Variants in POU6F2 observed in about 807,000 individuals in gnomAD.
POU6F2 encodes the protein POU domain, class 6, transcription factor 2.
In POU6F2, 31 loss-of-function variants were observed where a neutral mutation model predicts 71.3. The observed-to-expected ratio is 0.43, with a 90% confidence interval of 0.33 to 0.59. The LOEUF (loss-of-function observed/expected upper bound fraction) is 0.59. Ranked by LOEUF, POU6F2 falls within the 20% of genes least tolerant of loss-of-function variation. The probability of loss-of-function intolerance (pLI) is 0.04; values close to 1 mark genes in which losing one functional copy is unlikely to be tolerated. For synonymous variants in POU6F2, 347 were observed against 355.7 expected, an observed-to-expected ratio of 0.98 and a Z score of 0.27; for missense variants, 783 against 856.8, an observed-to-expected ratio of 0.91 and a Z score of 1.07.
intron 2 of POU6F2, among the ~76,000 whole-genome samples, chr7:39,117,068 T>C (rs558390224): frequency 1.2e-4 from 19 of 152,318 alleles, no homozygotes; most frequent in Non-Finnish European, 2.1e-4. Flanking sequence ...ACCTATGCAG[T>C]TGCATTTCAA....
intron 7 of POU6F2, among the ~76,000 whole-genome samples, chr7:39,433,978 A>T (rs1204593883): frequency 6.6e-6 from 1 of 152,228 alleles, no homozygotes; most frequent in African/African-American, 2.4e-5. Flanking sequence ...GATTTTAGGG[A>T]GCTCATCACC....
chr7:39,053,960 A>G (rs1790452810), intron 1 of POU6F2, among the ~76,000 whole-genome samples: 1 of 151,894 alleles, frequency 6.6e-6, no homozygotes, highest in Non-Finnish European at 1.5e-5. Context: ...AAAATTAGCC[A>G]GGCGTGGTGG....
chr7:39,377,787 C>G (rs1786740500), intron 5 of POU6F2, among the ~76,000 whole-genome samples: 1 of 152,082 alleles, frequency 6.6e-6, no homozygotes, highest in African/African-American at 2.4e-5. Context: ...GGGGAACTTG[C>G]AGAAAGGTAA....
At chr7:39,389,784 G>A (rs1787026532) in intron 5 of POU6F2, among the ~76,000 whole-genome samples, 1 of 152,098 alleles carries the variant, frequency 6.6e-6, no homozygotes, top group South Asian at 2.1e-4. Flanking sequence ...CAAATGAATA[G>A]AAAATAATGA....
chr7:39,045,387 C>T (rs1265841515), intron 1 of POU6F2, among the ~76,000 whole-genome samples: 3 of 151,840 alleles, frequency 2.0e-5, no homozygotes, highest in Non-Finnish European at 4.4e-5. Flanking sequence ...CAAGTTATAG[C>T]TCTTTATGCT....
At chr7:39,259,934 T>G (rs1423675506) in intron 4 of POU6F2, among the ~76,000 whole-genome samples, 4 of 151,824 alleles carry the variant, frequency 2.6e-5, no homozygotes, top group Non-Finnish European at 5.9e-5. Context: ...GTCCTGTGTG[T>G]GTGCATGCCC....
intron 6 of POU6F2, among the ~76,000 whole-genome samples, chr7:39,414,881 G>C (rs991965830): frequency 2.6e-5 from 4 of 152,162 alleles, no homozygotes; most frequent in African/African-American, 7.2e-5. Context: ...GGAATGCACA[G>C]TGAGAAATCT....
intron 4 of POU6F2, among the ~76,000 whole-genome samples, chr7:39,306,606 T>C (rs1202142429): frequency 1.3e-5 from 2 of 152,218 alleles, no homozygotes; most frequent in Admixed American, 6.5e-5. Context: ...ATCATTGTAA[T>C]TATTGCCTTC....
intron 2 of POU6F2, among the ~76,000 whole-genome samples, chr7:39,121,864 A>T (rs1223771673): frequency 6.6e-6 from 1 of 152,078 alleles, no homozygotes; most frequent in Non-Finnish European, 1.5e-5. Context: ...ATGCCCAGCA[A>T]ACTTTTGTAT....
chr7:39,341,926 A>G (rs377537462), intron 5 of POU6F2, among the ~76,000 whole-genome samples: 111 of 152,340 alleles, frequency 7.3e-4, no homozygotes, highest in Non-Finnish European at 1.4e-3. Context: ...TTCTCCTAAC[A>G]GTTTCTCGTG....
chr7:39,030,730 C>T (rs953131909), intron 1 of POU6F2, among the ~76,000 whole-genome samples: 1 of 150,716 alleles, frequency 6.6e-6, no homozygotes, highest in Non-Finnish European at 1.5e-5. Flanking sequence ...AGTGTGACTG[C>T]TGGATCATAT....
Position 39,313,839 on chromosome 7 carries a change from T to G in POU6F2, c.599-25803T>G, listed in dbSNP as rs1239422677. Among the ~76,000 whole-genome samples, 3 of 152,218 alleles carry G rather than the reference T, an allele frequency of 2.0e-5. No homozygotes were observed. The East Asian group carries it at 5.8e-4, about 29-fold the overall frequency. On this transcript the variant is annotated intron_variant, in intron 4 of 9. Coordinates refer to ENST00000518318, the MANE Select transcript of POU6F2 (RefSeq NM_001370959.1). ...TTTTCCGTTTTTCAAGAAAATTATC[T>G]TAGCGTCAGAGCTAATGATAAAATC...
intron 5 of POU6F2, among the ~76,000 whole-genome samples, chr7:39,359,861 A>C (rs1786339092): frequency 6.6e-6 from 1 of 152,194 alleles, no homozygotes; most frequent in Admixed American, 6.5e-5. Flanking sequence ...AAAAAAGAAA[A>C]CTTTTTTTAA....
At chr7:39,040,890 CAT>C (rs1790179113) in intron 1 of POU6F2, among the ~76,000 whole-genome samples, 1 of 151,924 alleles carries the variant, frequency 6.6e-6, no homozygotes, top group African/African-American at 2.4e-5. Flanking sequence ...CACACAAACG[CAT>C]ACACTTTCGC....
rs1233959562 is a variant in POU6F2, at chr7:39,361,695, AT to A, written c.972+21685del. On this transcript the variant is annotated intron_variant, in intron 5 of 9. Coordinates refer to ENST00000518318, the MANE Select transcript of POU6F2 (RefSeq NM_001370959.1). ...TTCAAAAAACATTTTTAAGTTTATT[AT>A]TTTTCTTTTTATGTAACATACTTTG... Among the ~76,000 whole-genome samples, 7 of 152,292 alleles carry A rather than the reference AT, an allele frequency of 4.6e-5. No individual in the cohort carries two copies. In the East Asian group the frequency reaches 1.3e-3, roughly 29 times the overall value.
At chr7:39,249,002 A>G (rs1036194266) in intron 4 of POU6F2, among the ~76,000 whole-genome samples, 2 of 152,204 alleles carry the variant, frequency 1.3e-5, no homozygotes, top group Non-Finnish European at 2.9e-5. Context: ...TCCCTGTGAC[A>G]ATGACTCATT....
chr7:39,229,229 ATTTG>A (rs1794527948), intron 4 of POU6F2, among the ~76,000 whole-genome samples: 1 of 152,202 alleles, frequency 6.6e-6, no homozygotes, highest in Non-Finnish European at 1.5e-5. Flanking sequence ...ATAGGGCAGC[ATTTG>A]TTTGCGCATC....
In POU6F2 at chr7:39,022,327, A is replaced by AT. The variant is rs1789696412; in HGVS notation, c.105+44273dup. Among the ~76,000 whole-genome samples, 4 of 151,980 alleles carry AT rather than the reference A, an allele frequency of 2.6e-5. No individual in the cohort carries two copies. The South Asian group carries it at 8.3e-4, about 31-fold the overall frequency. On this transcript the variant is annotated intron_variant, in intron 1 of 9. Transcript: ENST00000518318. Reference sequence around the variant, plus strand: ...ACATATATATATGTATGCTTATTTAATTTTCTTCAGTTTCCTATATTTACT... The same window carrying AT: ...ACATATATATATGTATGCTTATTTAATTTTTCTTCAGTTTCCTATATTTACT...
intron 8 of POU6F2, among the ~76,000 whole-genome samples, chr7:39,459,628 C>T (rs991897509): frequency 6.6e-6 from 1 of 152,146 alleles, no homozygotes; most frequent in South Asian, 2.1e-4. Context: ...AAACTTTTCA[C>T]CTAAGTCCGA....
Sources: gnomAD v4.1 joint callset for allele counts (sites outside exome capture counted in the v4.1 genomes callset) on GRCh38, gnomAD v4.1.1 for gene constraint, MANE v1.5 for transcripts, NCBI Gene and HGNC (gene_info 2026-07-23, HGNC 2026-07-21) for gene names.